Variants in MAP4 observed in about 807,000 individuals in gnomAD.
MAP4 encodes microtubule associated protein 4.
MAP4 carries 76 observed loss-of-function variants against 170.2 expected under a neutral mutation model. The observed-to-expected ratio is 0.45, with a 90% CI of 0.37 to 0.54. The LOEUF (loss-of-function observed/expected upper bound fraction) is 0.54. MAP4 is among the 20% of genes least tolerant of loss of function. The probability of loss-of-function intolerance (pLI) is 0.00; values close to 1 mark genes in which losing one functional copy is unlikely to be tolerated. For missense variants in MAP4, 2,506 were observed against 2,748.0 expected (o/e 0.91, Z 1.97); for synonymous variants, 909 against 994.5 (o/e 0.91, Z 1.62).
intron 2 of MAP4, among the ~76,000 whole-genome samples, chr3:47,996,249 G>A (rs144126158): frequency 6.6e-6 from 1 of 152,158 alleles, no homozygotes; most frequent in Non-Finnish European, 1.5e-5. Flanking sequence ...ATAAACCTGA[G>A]AGAGGAGCAA....
At chr3:47,892,493 G>C in intron 10 of MAP4, 1 of 1,522,750 alleles carries the variant, frequency 6.6e-7, no homozygotes, top group African/African-American at 1.4e-5. Context: ...GAGCGACATC[G>C]TCTCTCCTCC....
intron 1 of MAP4, among the ~76,000 whole-genome samples, chr3:48,063,298 G>T (rs745871002): frequency 6.6e-6 from 1 of 151,732 alleles, no homozygotes; most frequent in Non-Finnish European, 1.5e-5. Context: ...CCAGCAAGGT[G>T]AGCTGGAATC....
chr3:48,087,461 C>T (rs1020692565), intron 1 of MAP4, among the ~76,000 whole-genome samples: 1 of 152,020 alleles, frequency 6.6e-6, no homozygotes, highest in Admixed American at 6.6e-5. Flanking sequence ...CAGTGTTACC[C>T]CAAAGGCCTA....
Position 47,915,946 on chromosome 3 carries a change from C to T in MAP4, c.1876+5G>A, listed in dbSNP as rs769052642. 11 of 1,603,090 alleles carry T rather than the reference C, an allele frequency of 6.9e-6. No homozygotes were observed. Among genetic ancestry groups the T allele is most frequent in the South Asian group, 2.3e-5 (2 of 88,322 alleles). ...GAAATACTGAGAATAAGCACAAGCA[C>T]GTACCTGGTGAAATCATGAAAGTAG... On this transcript the variant is annotated splice_donor_5th_base_variant and intron_variant, in intron 7 of 20. Transcript: ENST00000683076.
chr3:48,078,928 T>C (rs1444611479), intron 1 of MAP4, among the ~76,000 whole-genome samples: 1 of 152,002 alleles, frequency 6.6e-6, no homozygotes, highest in African/African-American at 2.4e-5. Flanking sequence ...CTCAGCATGT[T>C]AGGAGGCTGA....
At chr3:47,975,160 T>C (rs2100081226) in intron 3 of MAP4, 4 of 1,157,948 alleles carry the variant, frequency 3.5e-6, no homozygotes, top group African/African-American at 1.6e-5. Flanking sequence ...AAACAAGAAA[T>C]AAAAGACATT....
At chr3:48,005,069 G>C (rs1387418458) in intron 1 of MAP4, among the ~76,000 whole-genome samples, 2 of 152,120 alleles carry the variant, frequency 1.3e-5, no homozygotes, top group African/African-American at 4.8e-5. Flanking sequence ...CACTCAAAAA[G>C]AACTGTTCTC....
Position 47,916,905 on chromosome 3 carries a change from G to A in MAP4, c.922C>T (p.Leu308=), listed in dbSNP as rs1480438561. The A allele has an allele frequency of 2.5e-6, 4 of 1,614,196 alleles. No homozygotes were observed. Among genetic ancestry groups the A allele is most frequent in the Non-Finnish European group, 2.5e-6 (3 of 1,180,028 alleles). The change falls in exon 7 of 21, where the codon CTA becomes TTA. Residue 308 remains leucine (L), a synonymous_variant. Transcript: ENST00000683076. ...SDMALVKDME[L]PTEKEVALVK... is the part of the protein sequence containing the mutation. ...AGGGCCACTTCTTTTTCTGTGGGTA[G>A]TTCCATGTCCTTGACTAGGGCCATA...
At chr3:48,080,874 G>A (rs1008051936) in intron 1 of MAP4, among the ~76,000 whole-genome samples, 2 of 151,844 alleles carry the variant, frequency 1.3e-5, no homozygotes, top group Non-Finnish European at 2.9e-5. Context: ...CCTGTAATCC[G>A]AGCACTTTGG....
intron 10 of MAP4, among the ~76,000 whole-genome samples, chr3:47,878,660 TC>T (rs1180286422): frequency 6.6e-6 from 1 of 152,098 alleles, no homozygotes; most frequent in Non-Finnish European, 1.5e-5. Context: ...TGCCTCAGCC[TC>T]CCAAGTAGCT....
chr3:47,929,550 C>A (rs1049538561), intron 3 of MAP4, among the ~76,000 whole-genome samples: 5 of 141,288 alleles, frequency 3.5e-5, no homozygotes, highest in Non-Finnish European at 7.5e-5. Flanking sequence ...CAATTGGACA[C>A]TGACCACATA....
At chr3:47,914,671 C>G in intron 8 of MAP4, 146 bp downstream of exon 8, 1 of 893,372 alleles carries the variant, frequency 1.1e-6, no homozygotes, top group South Asian at 2.1e-5. Flanking sequence ...CTGTCTAAAC[C>G]AGATAAAATC....
chr3:48,063,404 T>TAAAA (rs35033632), intron 1 of MAP4, among the ~76,000 whole-genome samples: 1 of 136,186 alleles, frequency 7.3e-6, no homozygotes. Context: ...ACCTGTGTCT[T>TAAAA]AAAAAAAAAA....
rs1309097882 is a variant in MAP4 at position 47,928,358 on chromosome 3, T to C, written c.293-8A>G. On this transcript the variant is annotated splice_region_variant and splice_polypyrimidine_tract_variant and intron_variant, in intron 3 of 20. Transcript: ENST00000683076. ...GGAATTCAGTTGGAGACCCTTAAAATAGAGACACAAAACAAAAGTTACAAG... is the reference window on the plus strand; with the variant it reads ...GGAATTCAGTTGGAGACCCTTAAAACAGAGACACAAAACAAAAGTTACAAG... The C allele has an allele frequency of 8.7e-6, 14 of 1,613,468 alleles. No homozygotes were observed. Among genetic ancestry groups the C allele is most frequent in the Non-Finnish European group, 1.1e-5 (13 of 1,179,800 alleles).
At chr3:48,084,255 A>G (rs2100147989) in intron 1 of MAP4, among the ~76,000 whole-genome samples, 1 of 151,136 alleles carries the variant, frequency 6.6e-6, no homozygotes, top group South Asian at 2.1e-4. Flanking sequence ...AAAGTTAGCC[A>G]GGTGTGATGG....
At chr3:48,009,530 C>T (rs1319829787) in intron 1 of MAP4, among the ~76,000 whole-genome samples, 2 of 152,224 alleles carry the variant, frequency 1.3e-5, no homozygotes, top group Non-Finnish European at 2.9e-5. Flanking sequence ...TCTTACCATG[C>T]TCTCCATCAT....
intron 10 of MAP4, among the ~76,000 whole-genome samples, chr3:47,901,244 A>G (rs1174758036): frequency 6.6e-6 from 1 of 152,214 alleles, no homozygotes; most frequent in Non-Finnish European, 1.5e-5. Flanking sequence ...TTCTCTTACT[A>G]GAGGAAAACT....
intron 6 of MAP4, among the ~76,000 whole-genome samples, chr3:47,918,487 T>A (rs6775233): frequency 0.044 from 6,660 of 151,760 alleles, 474 homozygotes; most frequent in African/African-American, 0.15. Context: ...ATGAAAAAAA[T>A]ATATATATGT....
At chr3:47,854,241 G>C (rs1027409536) in intron 19 of MAP4, among the ~76,000 whole-genome samples, 2 of 152,222 alleles carry the variant, frequency 1.3e-5, no homozygotes, top group African/African-American at 4.8e-5. Context: ...CCTTGGAAAA[G>C]AGACTAAAGC....
Sources: gnomAD v4.1 joint callset for allele counts (sites outside exome capture counted in the v4.1 genomes callset) on GRCh38, gnomAD v4.1.1 for gene constraint, MANE v1.5 for transcripts, NCBI Gene and HGNC (gene_info 2026-07-23, HGNC 2026-07-21) for gene names.